Variants in SIPA1L3 observed in about 807,000 individuals in gnomAD.
SIPA1L3 encodes the protein signal-induced proliferation-associated 1-like protein 3.
In SIPA1L3, 59 loss-of-function variants were observed where a neutral mutation model predicts 150.1. That is an observed-to-expected ratio of 0.39 (90% CI 0.32 to 0.49). SIPA1L3 has a LOEUF of 0.49. Ranked by LOEUF, SIPA1L3 falls within the 20% of genes least tolerant of loss-of-function variation. The probability of loss-of-function intolerance (pLI) is 0.86; values close to 1 mark genes in which losing one functional copy is unlikely to be tolerated. For synonymous variants in SIPA1L3, 1,070 were observed against 1,077.6 expected (o/e 0.99, Z 0.14); for missense variants, 2,211 against 2,489.5 (o/e 0.89, Z 2.38).
intron 20 of SIPA1L3, among the ~76,000 whole-genome samples, chr19:38,202,640 C>A (rs1779898472): frequency 6.6e-6 from 1 of 152,176 alleles, no homozygotes; most frequent in South Asian, 2.1e-4. Flanking sequence ...CCCAATCCCC[C>A]AGCCCTGTGC....
At chr19:38,152,277 GAGA>G (rs1221925243) in intron 12 of SIPA1L3, among the ~76,000 whole-genome samples, 2 of 152,178 alleles carry the variant, frequency 1.3e-5, no homozygotes, top group Non-Finnish European at 2.9e-5. Context: ...CTTCAGTCCT[GAGA>G]AGAAGGACCT....
At chr19:38,114,859 G>A (rs868645126) in intron 8 of SIPA1L3, among the ~76,000 whole-genome samples, 6 of 152,170 alleles carry the variant, frequency 3.9e-5, no homozygotes, top group African/African-American at 1.2e-4. Context: ...GGCCGGGGTC[G>A]CGCAGTAGCT....
At position 38,106,658 on chromosome 19, in the gene SIPA1L3, G is replaced by C; in HGVS notation, c.2133+18G>C. ...GGCAGCAGGTCAGTGATTTTCAGCA[G>C]AGGCACGGCTGCCGGATGTTGGCTG... On this transcript the variant is annotated intron_variant, in intron 7 of 21. Transcript: ENST00000222345. 6.4e-7 allele frequency: 1 copy of C among 1,564,086 alleles called. No individual in the cohort carries two copies. Among genetic ancestry groups the C allele is most frequent in the Non-Finnish European group, 8.8e-7 (1 of 1,134,596 alleles).
At chr19:38,058,478 A>T (rs1273834540) in intron 2 of SIPA1L3, among the ~76,000 whole-genome samples, 1 of 151,742 alleles carries the variant, frequency 6.6e-6, no homozygotes, top group Non-Finnish European at 1.5e-5. Context: ...ACATATGGAG[A>T]GTTGTCCTGA....
intron 16 of SIPA1L3, 28 bp from the exon 17 acceptor site, chr19:38,192,117 C>T: frequency 6.4e-7 from 1 of 1,558,740 alleles, no homozygotes; most frequent in Non-Finnish European, 8.7e-7. Context: ...TCCCTGACAC[C>T]CCTCTGACCC....
At chr19:38,084,416 G>C (rs914998482) in intron 3 of SIPA1L3, among the ~76,000 whole-genome samples, 1 of 151,936 alleles carries the variant, frequency 6.6e-6, no homozygotes, top group Non-Finnish European at 1.5e-5. Flanking sequence ...GCATAAATGC[G>C]TTAAAGAGCT....
intron 12 of SIPA1L3, 146 bp downstream of exon 12, chr19:38,142,856 G>A (rs895668390): frequency 8.6e-6 from 9 of 1,050,996 alleles, no homozygotes; most frequent in Non-Finnish European, 1.1e-5. Context: ...AGCCCCATGG[G>A]GTGGTTATGT....
At chr19:37,931,921 C>G (rs1446009342) in intron 1 of SIPA1L3, among the ~76,000 whole-genome samples, 3 of 152,100 alleles carry the variant, frequency 2.0e-5, no homozygotes, top group Admixed American at 6.5e-5. Flanking sequence ...ATAGTTCCTC[C>G]TTAGAGGGTC....
At chr19:38,087,738 G>C (rs1056804466) in intron 3 of SIPA1L3, 1 of 152,406 alleles carries the variant, frequency 6.6e-6, no homozygotes, top group Non-Finnish European at 1.5e-5. Flanking sequence ...AGCAGTGTTG[G>C]CCGGGCACGG....
intron 1 of SIPA1L3, among the ~76,000 whole-genome samples, chr19:38,003,104 C>T (rs932002361): frequency 3.9e-5 from 6 of 152,192 alleles, no homozygotes; most frequent in Non-Finnish European, 8.8e-5. Flanking sequence ...CGAGTTCACA[C>T]ACTCCAGCCT....
intron 10 of SIPA1L3, among the ~76,000 whole-genome samples, chr19:38,140,708 A>T (rs911808077): frequency 6.6e-6 from 1 of 151,584 alleles, no homozygotes; most frequent in Admixed American, 6.6e-5. Flanking sequence ...CTGGTTGAAG[A>T]CTCTGAGCTG....
intron 2 of SIPA1L3, among the ~76,000 whole-genome samples, chr19:38,045,203 C>A (rs1969027181): frequency 6.6e-6 from 1 of 152,002 alleles, no homozygotes; most frequent in Non-Finnish European, 1.5e-5. Context: ...CATGGTGAAA[C>A]CCCGTCTCTA....
At chr19:38,053,623 C>T (rs1378250957) in intron 2 of SIPA1L3, among the ~76,000 whole-genome samples, 1 of 152,016 alleles carries the variant, frequency 6.6e-6, no homozygotes, top group African/African-American at 2.4e-5. Flanking sequence ...GTGGTGCAAT[C>T]ACAGCTCACT....
At chr19:37,982,934 G>T (rs2145618331) in intron 1 of SIPA1L3, among the ~76,000 whole-genome samples, 1 of 152,288 alleles carries the variant, frequency 6.6e-6, no homozygotes, top group East Asian at 1.9e-4. Context: ...GGCCTCCCTG[G>T]GTTGTCTTCC....
intron 1 of SIPA1L3, among the ~76,000 whole-genome samples, chr19:37,934,569 A>C (rs905163831): frequency 1.3e-5 from 2 of 152,196 alleles, no homozygotes; most frequent in Non-Finnish European, 2.9e-5. Flanking sequence ...TGTCTAGTGC[A>C]TAGATAGCAA....
Position 38,082,448 on chromosome 19 carries a change from G to T in SIPA1L3, c.883G>T (p.Asp295Tyr). ...KKPARGLGGG[D>Y]TVDSSIFRKL... ...ACCTGCGCGGGGCCTCGGCGGCGGG[G>T]ACACGGTGGACTCGTCCATCTTTCG... The change falls in exon 3 of 22, where the codon GAC becomes TAC. Residue 295 changes from aspartate to tyrosine, a missense_variant. Physicochemically the swap from Asp to Tyr is radical, Grantham distance 160. Transcript: ENST00000222345. 6.3e-7 allele frequency: 1 copy of T among 1,589,982 alleles called. No homozygotes were observed.
intron 6 of SIPA1L3, 49 bp from the exon 7 acceptor site, chr19:38,106,488 A>G (rs762234260): frequency 1.7e-5 from 23 of 1,318,988 alleles, no homozygotes; most frequent in Non-Finnish European, 2.4e-5. Flanking sequence ...GATATGGCAA[A>G]AACCCAGAGG....
intron 3 of SIPA1L3, 76 bp downstream of exon 3, chr19:38,083,175 ACT>A: frequency 7.3e-7 from 1 of 1,367,642 alleles, no homozygotes; most frequent in Non-Finnish European, 1.0e-6. Context: ...TCATTCATTC[ACT>A]CTGTGCCAGG....
chr19:38,036,836 G>C (rs568465950), intron 2 of SIPA1L3, among the ~76,000 whole-genome samples: 1 of 152,000 alleles, frequency 6.6e-6, no homozygotes. Flanking sequence ...GCCCCATCCC[G>C]GCCTGCCCCT....
Sources: allele counts gnomAD v4.1 joint callset (sites outside exome capture counted in the v4.1 genomes callset), GRCh38; gene constraint gnomAD v4.1.1; transcripts MANE v1.5; gene names NCBI Gene and HGNC (gene_info 2026-07-23, HGNC 2026-07-21).